The following KCTD1 variants were observed in gnomAD, a reference collection of about 807,000 sequenced individuals.
KCTD1 encodes potassium channel tetramerization domain containing 1, also known as BTB/POZ domain-containing protein KCTD1.
KCTD1 carries 24 observed loss-of-function variants against 66.0 expected under a neutral mutation model. The observed-to-expected ratio is 0.36, with a 90% confidence interval of 0.26 to 0.51. KCTD1 has a LOEUF of 0.51. Among genes scored for constraint, KCTD1 ranks in the 20% least tolerant of loss-of-function variants. The pLI, the probability that KCTD1 is intolerant of heterozygous loss-of-function variation, is 0.95. For synonymous variants in KCTD1, 511 were observed against 517.2 expected (o/e 0.99, Z 0.16); for missense variants, 943 against 1,205.2 (o/e 0.78, Z 3.22).
chr18:26,466,304 G>A (rs1402129399), intron 3 of KCTD1, among the ~76,000 whole-genome samples: 1 of 152,184 alleles, frequency 6.6e-6, no homozygotes, highest in South Asian at 2.1e-4. Context: ...ACATGTTAAT[G>A]GCACCTCCTG....
chr18:26,525,446 C>T (rs1984111043), intron 1 of KCTD1, among the ~76,000 whole-genome samples: 1 of 152,170 alleles, frequency 6.6e-6, no homozygotes, highest in African/African-American at 2.4e-5. Context: ...CAGTGAGGTC[C>T]AACTAACTGC....
intron 1 of KCTD1, among the ~76,000 whole-genome samples, chr18:26,614,334 C>T (rs1291151568): frequency 1.3e-5 from 2 of 152,206 alleles, no homozygotes; most frequent in African/African-American, 4.8e-5. Flanking sequence ...GCCCCGAATT[C>T]CAAGAAGCTC....
chr18:26,510,763 C>T (rs1047277939), intron 1 of KCTD1, among the ~76,000 whole-genome samples: 1 of 152,168 alleles, frequency 6.6e-6, no homozygotes, highest in African/African-American at 2.4e-5. Flanking sequence ...TTTTTAAATA[C>T]ACTTAAAACA....
At chr18:26,610,708 G>A (rs1337309631) in intron 1 of KCTD1, among the ~76,000 whole-genome samples, 1 of 151,952 alleles carries the variant, frequency 6.6e-6, no homozygotes, top group East Asian at 1.9e-4. Context: ...AAGAAAGAAA[G>A]AGAAAGAAAG....
At chr18:26,514,703 C>T (rs911677055) in intron 1 of KCTD1, among the ~76,000 whole-genome samples, 5 of 152,208 alleles carry the variant, frequency 3.3e-5, no homozygotes, top group Non-Finnish European at 5.9e-5. Flanking sequence ...ACCTAGGTGA[C>T]ATCTGGCATT....
chr18:26,576,591 C>T (rs1986231121), intron 1 of KCTD1, among the ~76,000 whole-genome samples: 1 of 152,114 alleles, frequency 6.6e-6, no homozygotes, highest in South Asian at 2.1e-4. Flanking sequence ...AAAAATGAAC[C>T]TGTTTTCATC....
upstream of KCTD1, among the ~76,000 whole-genome samples, chr18:26,630,311 G>A (rs896410780): frequency 6.6e-6 from 1 of 152,030 alleles, no homozygotes; most frequent in Non-Finnish European, 1.5e-5. Context: ...TGACCCTTGA[G>A]TATATGTCTT....
chr18:26,594,947 T>A (rs1568004347), intron 1 of KCTD1, among the ~76,000 whole-genome samples: 1 of 151,980 alleles, frequency 6.6e-6, no homozygotes, highest in Non-Finnish European at 1.5e-5. Context: ...TGTGAGCCAA[T>A]CCCTTAGAAT....
Position 26,548,502 on chromosome 18 carries a change from G to A in KCTD1, c.35C>T (p.Thr12Ile). The change falls in exon 1 of 5, where the codon ACC becomes ATC. Residue 12 changes from threonine (T) to isoleucine (I), a missense_variant. By Grantham distance (89) the Thr-to-Ile change is moderately conservative (BLOSUM62 -1). This residue lies in a region of KCTD1 where 236 missense variants were observed against 206.6 expected (regional missense o/e 1.14). Coordinates refer to ENST00000580059, the MANE Select transcript of KCTD1 (RefSeq NM_001142730.3). ...ARMPGSGDCN[T>I]SAGGSASAAA... Reference sequence around the variant, plus strand: ...AGCGCTGGCGCTGCCGCCCGCGCTGGTGTTACAGTCCCCGCTGCCAGGCAT... The same window carrying A: ...AGCGCTGGCGCTGCCGCCCGCGCTGATGTTACAGTCCCCGCTGCCAGGCAT... 8.0e-7 allele frequency: 1 copy of A among 1,247,074 alleles called. No homozygotes were observed. Among genetic ancestry groups the A allele is most frequent in the African/African-American group, 1.6e-5 (1 of 64,138 alleles). The allele number at this position is 1,247,074 out of a possible 1,614,324, so 77.3% of individuals were successfully genotyped here.
At chr18:26,486,451 C>T (rs866941155) in intron 2 of KCTD1, among the ~76,000 whole-genome samples, 2 of 152,204 alleles carry the variant, frequency 1.3e-5, no homozygotes, top group African/African-American at 4.8e-5. Flanking sequence ...CTCGCAGTTG[C>T]GCTCTTTGTT....
intron 1 of KCTD1, chr18:26,600,105 T>A: frequency 6.2e-7 from 1 of 1,610,654 alleles, no homozygotes. Flanking sequence ...CCCTGCAGGC[T>A]GCTTCTTGTG....
intron 1 of KCTD1, among the ~76,000 whole-genome samples, chr18:26,651,039 C>T (rs571042625): frequency 1.3e-5 from 2 of 152,348 alleles, no homozygotes; most frequent in Non-Finnish European, 2.9e-5. Context: ...ACGATTTGCT[C>T]AGCAAGAGAT....
intron 2 of KCTD1, among the ~76,000 whole-genome samples, chr18:26,477,214 C>G (rs1981395515): frequency 6.6e-6 from 1 of 152,192 alleles, no homozygotes; most frequent in Non-Finnish European, 1.5e-5. Context: ...TAACAATATA[C>G]ACTACAGTTT....
chr18:26,598,349 T>G (rs1326168322), intron 1 of KCTD1, among the ~76,000 whole-genome samples: 1 of 152,210 alleles, frequency 6.6e-6, no homozygotes, highest in Non-Finnish European at 1.5e-5. Flanking sequence ...ATCCAGTCAT[T>G]AGCTGATGGA....
In KCTD1 at chr18:26,577,725, G is replaced by GT. The variant is rs372315881; in HGVS notation, c.-16+51421dup. 7.5e-4 allele frequency among the ~76,000 whole-genome samples: 113 copies of GT among 150,216 alleles called. No individual in the cohort carries two copies. In the South Asian group the frequency reaches 0.01, roughly 13 times the overall value. On this transcript the variant is annotated intron_variant, in intron 1 of 4. Transcript: ENST00000317932. ...CATGCCTGGCTAATTAGTTTTTAGT[G>GT]TTTTTTTTTGTTTGTTTTTTTGTTT...
At chr18:26,599,354 T>A in intron 1 of KCTD1, 1 of 1,564,718 alleles carries the variant, frequency 6.4e-7, no homozygotes, top group Non-Finnish European at 8.7e-7. Context: ...GTGGCAGTCT[T>A]GATTCTCTTT....
intron 3 of KCTD1, among the ~76,000 whole-genome samples, chr18:26,463,419 A>G (rs1042942281): frequency 5.3e-5 from 8 of 152,192 alleles, no homozygotes; most frequent in Non-Finnish European, 2.9e-5. Flanking sequence ...CCATCTCAAA[A>G]AAAAAGAGAA....
intron 1 of KCTD1, among the ~76,000 whole-genome samples, chr18:26,605,488 T>C (rs1954421884): frequency 6.6e-6 from 1 of 152,176 alleles, no homozygotes. Context: ...TTTCATTATA[T>C]CTTTTCTGAA....
intron 1 of KCTD1, among the ~76,000 whole-genome samples, chr18:26,597,901 A>T (rs1258708484): frequency 6.6e-6 from 1 of 152,068 alleles, no homozygotes; most frequent in Non-Finnish European, 1.5e-5. Flanking sequence ...AGATCTGCCT[A>T]CCTCAGCCTC....
Sources: allele counts gnomAD v4.1 joint callset (sites outside exome capture counted in the v4.1 genomes callset), GRCh38; gene constraint gnomAD v4.1.1; regional missense constraint gnomAD v4.1.1; transcripts MANE v1.5; gene names NCBI Gene and HGNC (gene_info 2026-07-23, HGNC 2026-07-21).